WWOX: variants seen among roughly 807,000 people sequenced by gnomAD.
WWOX encodes the protein WW domain containing oxidoreductase.
WWOX carries 69 observed loss-of-function variants against 46.2 expected under a neutral mutation model. The ratio of observed to expected loss-of-function variants is 1.49; its 90% confidence interval spans 1.23 to 1.82. WWOX has a LOEUF of 1.82. Ranked by LOEUF, WWOX falls within the 40% of genes most tolerant of loss-of-function variation. The probability of loss-of-function intolerance (pLI) is 0.00; values close to 1 mark genes in which losing one functional copy is unlikely to be tolerated. For missense variants in WWOX, 919 were observed against 542.6 expected, an observed-to-expected ratio of 1.69 and a Z score of -6.89; for synonymous variants, 359 against 202.6, an observed-to-expected ratio of 1.77 and a Z score of -6.56.
chr16:79,057,068 A>G (rs1246361289), intron 8 of WWOX, among the ~76,000 whole-genome samples: 2 of 152,238 alleles, frequency 1.3e-5, no homozygotes, highest in East Asian at 1.9e-4. Flanking sequence ...TTTTGCCGCC[A>G]TGGGCCTGAA....
chr16:79,207,910 G>T (rs982673600), intron 8 of WWOX, among the ~76,000 whole-genome samples: 1 of 152,058 alleles, frequency 6.6e-6, no homozygotes, highest in African/African-American at 2.4e-5. Flanking sequence ...GTTATCAAAT[G>T]AATGTTGATG....
chr16:78,207,440 A>G (rs554991927), intron 5 of WWOX, among the ~76,000 whole-genome samples: 1 of 151,828 alleles, frequency 6.6e-6, no homozygotes, highest in South Asian at 2.1e-4. Context: ...TACCAACATT[A>G]TCTAAGAGGG....
chr16:78,434,579 G>T (rs1008208766), intron 8 of WWOX, among the ~76,000 whole-genome samples: 1 of 152,166 alleles, frequency 6.6e-6, no homozygotes, highest in Non-Finnish European at 1.5e-5. Context: ...GCTTTAACAA[G>T]CCCAGTCAAC....
At chr16:78,165,418 C>T (rs1026511799) in intron 5 of WWOX, among the ~76,000 whole-genome samples, 3 of 152,108 alleles carry the variant, frequency 2.0e-5, no homozygotes, top group Non-Finnish European at 4.4e-5. Flanking sequence ...CTTGAAAAAG[C>T]AGTGAGTGGT....
intron 8 of WWOX, among the ~76,000 whole-genome samples, chr16:78,763,786 A>G (rs2049854517): frequency 6.6e-6 from 1 of 152,176 alleles, no homozygotes; most frequent in Non-Finnish European, 1.5e-5. Flanking sequence ...TTTCTCCAGC[A>G]TTCAGTTAAG....
rs115321633 is a variant in WWOX, at chr16:78,651,967, A to C, written c.1056+219215A>C. Among the ~76,000 whole-genome samples, 475 of 152,278 alleles carry C rather than the reference A, an allele frequency of 3.1e-3. 3 individuals carry two copies. The highest frequency in any genetic ancestry group is 0.011 in the African/African-American group (453 of 41,562). The stretch of plus-strand genomic sequence containing the variant: ...AGGGATGGTTGCCATTATCAGTTAC[A>C]TTATTATGAGGATTATTTTCTACCT... On this transcript the variant is annotated intron_variant, in intron 8 of 8. Coordinates refer to ENST00000566780, the MANE Select transcript of WWOX (RefSeq NM_016373.4).
intron 5 of WWOX, among the ~76,000 whole-genome samples, chr16:78,232,639 A>G (rs1267578129): frequency 1.3e-5 from 2 of 152,204 alleles, no homozygotes; most frequent in Non-Finnish European, 2.9e-5. Flanking sequence ...CAGGGGCTGA[A>G]TATATTTTTA....
intron 8 of WWOX, among the ~76,000 whole-genome samples, chr16:78,763,606 T>G (rs950605582): frequency 6.6e-6 from 1 of 152,222 alleles, no homozygotes; most frequent in Admixed American, 6.5e-5. Context: ...GTTGCTGTCA[T>G]TGAAACAAAA....
chr16:78,247,061 A>T (rs534038841), intron 5 of WWOX, among the ~76,000 whole-genome samples: 1 of 152,142 alleles, frequency 6.6e-6, no homozygotes, highest in Non-Finnish European at 1.5e-5. Flanking sequence ...TGTATATCTT[A>T]ATGTCAGTTA....
chr16:78,904,198 C>T (rs1204180281), intron 8 of WWOX, among the ~76,000 whole-genome samples: 5 of 145,878 alleles, frequency 3.4e-5, no homozygotes, highest in Admixed American at 6.8e-5. Context: ...GTTACAGGTG[C>T]TTGTGATGTC....
intron 8 of WWOX, among the ~76,000 whole-genome samples, chr16:79,071,133 T>C (rs536429446): frequency 6.6e-6 from 1 of 152,340 alleles, no homozygotes; most frequent in South Asian, 2.1e-4. Context: ...CCTGTACATT[T>C]CCAGGCTAGC....
At chr16:78,100,325 C>G (rs918236632) in intron 1 of WWOX, 55 of 847,070 alleles carry the variant, frequency 6.5e-5, no homozygotes, top group Non-Finnish European at 8.1e-5. Context: ...CCATCATAGC[C>G]CACTGTAGCC....
chr16:78,417,481 T>C (rs1242931965), intron 6 of WWOX, among the ~76,000 whole-genome samples: 1 of 152,032 alleles, frequency 6.6e-6, no homozygotes, highest in Non-Finnish European at 1.5e-5. Context: ...AAAAAGCTCT[T>C]AAAAAGTGCC....
intron 8 of WWOX, among the ~76,000 whole-genome samples, chr16:78,792,117 G>T (rs2050618380): frequency 6.6e-6 from 1 of 152,110 alleles, no homozygotes; most frequent in South Asian, 2.1e-4. Flanking sequence ...CATTGCCGCA[G>T]GCTTGCTGCA....
chr16:78,661,019 C>T (rs1451771232), intron 8 of WWOX, among the ~76,000 whole-genome samples: 2 of 152,150 alleles, frequency 1.3e-5, no homozygotes, highest in South Asian at 2.1e-4. Context: ...CTTACTATTA[C>T]ACATGACTTA....
At chr16:78,457,839 C>T (rs1028438974) in intron 8 of WWOX, among the ~76,000 whole-genome samples, 1 of 147,774 alleles carries the variant, frequency 6.8e-6, no homozygotes, top group African/African-American at 2.6e-5. Context: ...TGGCCTGATC[C>T]CGGGAGGCGG....
intron 8 of WWOX, among the ~76,000 whole-genome samples, chr16:78,822,217 G>A (rs1270203656): frequency 1.3e-5 from 2 of 152,192 alleles, no homozygotes; most frequent in African/African-American, 4.8e-5. Flanking sequence ...CGTGAGGCCA[G>A]GTGTGGTGGC....
chr16:78,888,439 T>G (rs1476390601), intron 8 of WWOX, among the ~76,000 whole-genome samples: 1 of 152,190 alleles, frequency 6.6e-6, no homozygotes. Flanking sequence ...TGTCTAGGGA[T>G]TTAGTTTCTC....
chr16:79,084,701 C>G (rs1000375306), intron 8 of WWOX, among the ~76,000 whole-genome samples: 10 of 152,142 alleles, frequency 6.6e-5, no homozygotes, highest in African/African-American at 2.4e-4. Context: ...GCATGAGCCA[C>G]CGCACCTGGA....
Sources: allele counts gnomAD v4.1 joint callset (sites outside exome capture counted in the v4.1 genomes callset), GRCh38; gene constraint gnomAD v4.1.1; transcripts MANE v1.5; gene names NCBI Gene and HGNC (gene_info 2026-07-23, HGNC 2026-07-21).